The following SEPTIN9 variants were observed in gnomAD, a reference collection of about 807,000 sequenced individuals.
The protein encoded by SEPTIN9 is septin 9.
SEPTIN9 carries 13 observed loss-of-function variants against 56.6 expected under a neutral mutation model. That is an observed-to-expected ratio of 0.23 (90% CI 0.15 to 0.37). The LOEUF (loss-of-function observed/expected upper bound fraction) is 0.37. Among genes scored for constraint, SEPTIN9 ranks in the 10% least tolerant of loss-of-function variants. SEPTIN9 has a pLI of 1.00. For synonymous variants in SEPTIN9, 332 were observed against 334.1 expected (o/e 0.99, Z 0.07); for missense variants, 650 against 823.1 (o/e 0.79, Z 2.57).
intron 11 of SEPTIN9, among the ~76,000 whole-genome samples, chr17:77,498,161 C>T (rs934516188): frequency 6.6e-6 from 1 of 152,032 alleles, no homozygotes; most frequent in Admixed American, 6.5e-5. Context: ...CCTGCCAGCA[C>T]CCTGGACACC....
chr17:77,387,860 C>T (rs1105410), intron 2 of SEPTIN9, among the ~76,000 whole-genome samples: 57,718 of 149,734 alleles, frequency 0.39, 11,888 homozygotes, highest in Non-Finnish European at 0.46. Flanking sequence ...GGGGAAGGTG[C>T]CTGATCTAGC....
At chr17:77,348,377 C>A (rs1165906256) in intron 2 of SEPTIN9, among the ~76,000 whole-genome samples, 1 of 145,488 alleles carries the variant, frequency 6.9e-6, no homozygotes, top group Non-Finnish European at 1.5e-5. Context: ...TGGCTCACTG[C>A]AACCTCTGCC....
intron 3 of SEPTIN9, among the ~76,000 whole-genome samples, chr17:77,427,890 C>G (rs1274603257): frequency 6.6e-6 from 1 of 152,194 alleles, no homozygotes; most frequent in Non-Finnish European, 1.5e-5. Context: ...GAGCTGTTCC[C>G]GCTTGCTCAT....
intron 3 of SEPTIN9, chr17:77,404,958 C>A: frequency 1.2e-6 from 1 of 868,592 alleles, no homozygotes; most frequent in Non-Finnish European, 1.7e-6. Context: ...TCCTCCCCTG[C>A]CTTCTGTTGG....
intron 1 of SEPTIN9, among the ~76,000 whole-genome samples, chr17:77,288,661 G>T (rs2031387670): frequency 6.6e-6 from 1 of 152,200 alleles, no homozygotes; most frequent in Non-Finnish European, 1.5e-5. Flanking sequence ...TTGGAAGTGG[G>T]TTACATCCAA....
At chr17:77,432,601 G>A (rs921668773) in intron 3 of SEPTIN9, among the ~76,000 whole-genome samples, 13 of 152,228 alleles carry the variant, frequency 8.5e-5, no homozygotes, top group African/African-American at 3.1e-4. Flanking sequence ...TTCCGTGCTC[G>A]TTTTCTGAGC....
intron 2 of SEPTIN9, among the ~76,000 whole-genome samples, chr17:77,321,831 C>T (rs978287171): frequency 2.6e-5 from 4 of 152,212 alleles, no homozygotes; most frequent in Non-Finnish European, 4.4e-5. Context: ...AGTGAAACTG[C>T]ATCTTATCTG....
chr17:77,410,459 C>T (rs554865069), intron 3 of SEPTIN9, among the ~76,000 whole-genome samples: 2 of 152,318 alleles, frequency 1.3e-5, no homozygotes, highest in East Asian at 3.9e-4. Flanking sequence ...TTCCATCTGC[C>T]GCCTTCCAAA....
chr17:77,298,653 G>GC (rs1414492438), intron 1 of SEPTIN9, among the ~76,000 whole-genome samples: 3 of 152,178 alleles, frequency 2.0e-5, no homozygotes. Flanking sequence ...GGCTCAGGAT[G>GC]CCCCAAGGGT....
intron 2 of SEPTIN9, 85 bp from the exon 3 acceptor site, chr17:77,401,974 C>CCT (rs1166612191): frequency 6.1e-5 from 87 of 1,437,420 alleles, no homozygotes; most frequent in African/African-American, 7.1e-5. Flanking sequence ...CGCCTGCCTT[C>CCT]CTCTGCTGCT....
chr17:77,347,477 G>C (rs2033926077), intron 2 of SEPTIN9, among the ~76,000 whole-genome samples: 1 of 151,632 alleles, frequency 6.6e-6, no homozygotes, highest in Non-Finnish European at 1.5e-5. Flanking sequence ...AAGCTCCTTT[G>C]GTTAGGTGCA....
intron 3 of SEPTIN9, chr17:77,466,321 TCAGGCCCGGGC>T (rs1190080998): frequency 2.1e-5 from 19 of 924,696 alleles, no homozygotes; most frequent in Middle Eastern, 1.1e-3. Context: ...AGGAAAGTGG[TCAGGCCCGGGC>T]CAGGCCCCTT....
chr17:77,403,914 C>T (rs759989166), intron 3 of SEPTIN9, among the ~76,000 whole-genome samples: 5 of 152,162 alleles, frequency 3.3e-5, no homozygotes, highest in South Asian at 2.1e-4. Context: ...GCTCCGTCCC[C>T]GTTAGACCAA....
Position 77,492,643 on chromosome 17 carries a change from A to G in SEPTIN9, c.1403A>G (p.Asn468Ser), listed in dbSNP as rs759173216. 4.3e-6 allele frequency: 7 copies of G among 1,613,968 alleles called. No homozygotes were observed. The highest frequency in any genetic ancestry group is 1.3e-5 in the African/African-American group (1 of 74,926). Residue 468 changes from asparagine to serine, a missense_variant, in exon 9 of 12, where the codon AAC becomes AGC. This residue lies in a region of SEPTIN9 where 333 missense variants were observed against 494.0 expected (regional missense o/e 0.67). Transcript: ENST00000427177. The surrounding 1 kb of genome is among the most constrained non-coding windows in gnomAD (Gnocchi z 5.4). ...CAGATCACCGCAGACCTGCTGTCCAACGGCATCGACGTGTACCCCCAGAAG... is the reference window on the plus strand; with the variant it reads ...CAGATCACCGCAGACCTGCTGTCCAGCGGCATCGACGTGTACCCCCAGAAG... The part of the protein sequence containing the change: ...KQRITADLLS[N>S]GIDVYPQKEF...
At chr17:77,479,214 G>A (rs1327229227) in intron 3 of SEPTIN9, among the ~76,000 whole-genome samples, 4 of 152,370 alleles carry the variant, frequency 2.6e-5, no homozygotes, top group African/African-American at 7.2e-5. Context: ...GCTGAGCAGC[G>A]CAGGCCTCGG....
intron 3 of SEPTIN9, chr17:77,466,268 C>T (rs768061209): frequency 1.1e-4 from 45 of 392,848 alleles, no homozygotes; most frequent in Non-Finnish European, 1.5e-4. Context: ...GAGATGCAGC[C>T]GAGGAGCCCA....
rs1260040805 is a variant in SEPTIN9 at position 77,400,137 on chromosome 17, C to T, written c.77-1922C>T. On this transcript the variant is annotated intron_variant, in intron 2 of 11. Transcript: ENST00000427177. This position sits in a 1 kb window ranked among gnomAD's most constrained non-coding sequence, Gnocchi z 4.1. ...GACTATAGGCGAGTGTCACCATGCC[C>T]AGCTAATTTTTTATTTTTAGTAAAG... 6.6e-6 allele frequency among the ~76,000 whole-genome samples: 1 copy of T among 152,246 alleles called. No homozygotes were observed. Among genetic ancestry groups the T allele is most frequent in the Admixed American group, 6.5e-5 (1 of 15,286 alleles).
rs2034655732 is a variant in SEPTIN9 at position 77,369,366 on chromosome 17, T to G, written c.77-32693T>G. On this transcript the variant is annotated intron_variant, in intron 2 of 11. Coordinates refer to ENST00000427177, the MANE Select transcript of SEPTIN9 (RefSeq NM_001113491.2). The surrounding 1 kb of genome is among the most constrained non-coding windows in gnomAD (Gnocchi z 4.9). ...AGGTGGCCGGTTGTTGACCGTTAAC[T>G]GGCACACTACTGGAGGAGGGAGGTT... Among the ~76,000 whole-genome samples the G allele has an allele frequency of 6.6e-6, 1 of 152,190 alleles. No individual in the cohort carries two copies. The highest frequency in any genetic ancestry group is 2.4e-5 in the African/African-American group (1 of 41,450).
intron 3 of SEPTIN9, among the ~76,000 whole-genome samples, chr17:77,410,308 G>A (rs1474139315): frequency 5.9e-5 from 9 of 152,218 alleles, no homozygotes; most frequent in African/African-American, 1.7e-4. Context: ...GGAGATTCCC[G>A]GTCTCATCCA....
Sources: allele counts gnomAD v4.1 joint callset (sites outside exome capture counted in the v4.1 genomes callset), GRCh38; gene constraint gnomAD v4.1.1; regional missense constraint gnomAD v4.1.1; non-coding constraint Gnocchi (gnomAD v3.1); transcripts MANE v1.5; gene names NCBI Gene and HGNC (gene_info 2026-07-23, HGNC 2026-07-21).